Variants in COLEC10 observed in about 807,000 individuals in gnomAD.
COLEC10 encodes the protein collectin subfamily member 10.
A neutral mutation model predicts 28.4 loss-of-function variants in COLEC10; 22 were observed. That is an observed-to-expected ratio of 0.78 (90% confidence interval 0.55 to 1.11). The LOEUF (loss-of-function observed/expected upper bound fraction) is 1.11. COLEC10 is among the 50% of genes least tolerant of loss of function. The pLI is 0.00. For synonymous variants in COLEC10, 125 were observed against 116.1 expected (o/e 1.08, Z -0.49); for missense variants, 361 against 344.1 (o/e 1.05, Z -0.39).
the COLEC10 span, among the ~76,000 whole-genome samples, chr8:118,989,364 T>A: frequency 1.3e-5 from 2 of 151,798 alleles, no homozygotes; most frequent in Non-Finnish European, 1.5e-5. Context: ...TGTGACAATA[T>A]CAAAAGGTGT....
the COLEC10 span, among the ~76,000 whole-genome samples, chr8:118,972,400 C>G: frequency 6.6e-6 from 1 of 151,928 alleles, no homozygotes; most frequent in Non-Finnish European, 1.5e-5. Flanking sequence ...TACCATCTCC[C>G]AGGGAGAATG....
At chr8:118,953,817 C>T in the COLEC10 span, among the ~76,000 whole-genome samples, 1 of 152,178 alleles carries the variant, frequency 6.6e-6, no homozygotes, top group Admixed American at 6.5e-5. Flanking sequence ...TGAGCCCCAA[C>T]TCCAATTTTT....
intron 1 of COLEC10, chr8:119,068,352 G>A (rs1219647323): frequency 6.6e-6 from 1 of 152,108 alleles, no homozygotes; most frequent in Non-Finnish European, 1.5e-5. Flanking sequence ...CTCTAAGATT[G>A]CAATCCAAGT....
At chr8:119,047,504 G>A (rs769032079) in intron 2 of COLEC10, among the ~76,000 whole-genome samples, 1 of 152,186 alleles carries the variant, frequency 6.6e-6, no homozygotes, top group African/African-American at 2.4e-5. Flanking sequence ...CACTGACAAG[G>A]AAGCTTTGAT....
chr8:119,061,952 C>G (rs1289568280), intron 2 of COLEC10, among the ~76,000 whole-genome samples: 1 of 152,020 alleles, frequency 6.6e-6, no homozygotes, highest in Non-Finnish European at 1.5e-5. Flanking sequence ...TTCTACAAAA[C>G]TGACAAATCT....
At chr8:118,963,240 C>T in the COLEC10 span, among the ~76,000 whole-genome samples, 1 of 152,204 alleles carries the variant, frequency 6.6e-6, no homozygotes, top group East Asian at 1.9e-4. Flanking sequence ...ATTTCGCATA[C>T]ATTACCCATT....
chr8:119,101,306 T>C (rs1314092166), intron 3 of COLEC10, among the ~76,000 whole-genome samples: 1 of 152,182 alleles, frequency 6.6e-6, no homozygotes, highest in Non-Finnish European at 1.5e-5. Flanking sequence ...CAGATCACTA[T>C]TGAAGCATAA....
intron 2 of COLEC10, among the ~76,000 whole-genome samples, chr8:119,025,913 C>T (rs1316152348): frequency 6.6e-6 from 1 of 152,114 alleles, no homozygotes; most frequent in Admixed American, 6.6e-5. Context: ...TTAGTTTATG[C>T]CTGCATCATG....
chr8:118,973,292 G>A, the COLEC10 span, among the ~76,000 whole-genome samples: 1 of 151,952 alleles, frequency 6.6e-6, no homozygotes, highest in East Asian at 1.9e-4. Flanking sequence ...TAACTTCTAT[G>A]GGTCAGGAGT....
chr8:119,011,248 T>C (rs1718577066), intron 2 of COLEC10, among the ~76,000 whole-genome samples: 1 of 150,970 alleles, frequency 6.6e-6, no homozygotes, highest in Non-Finnish European at 1.5e-5. Flanking sequence ...ATTTTCTCCA[T>C]TGTATTGCTT....
upstream of COLEC10, among the ~76,000 whole-genome samples, chr8:119,066,009 G>A (rs1442648188): frequency 2.0e-5 from 3 of 152,202 alleles, no homozygotes; most frequent in Non-Finnish European, 4.4e-5. Context: ...TAGCCACCCG[G>A]CCGCTGGTGT....
At chr8:118,985,283 T>A in the COLEC10 span, among the ~76,000 whole-genome samples, 1 of 152,046 alleles carries the variant, frequency 6.6e-6, no homozygotes, top group East Asian at 1.9e-4. Flanking sequence ...AGAATTCAGG[T>A]CCTCCTTAAA....
chr8:119,084,150 A>T (rs1318347284), intron 1 of COLEC10, among the ~76,000 whole-genome samples: 1 of 152,218 alleles, frequency 6.6e-6, no homozygotes, highest in Non-Finnish European at 1.5e-5. Context: ...TCTCAGAGTG[A>T]GGGAGCCACC....
chr8:119,085,599 CTTTTTTT>C (rs66829005), intron 1 of COLEC10, among the ~76,000 whole-genome samples: 11,484 of 64,064 alleles, frequency 0.18, 488 homozygotes, highest in Middle Eastern at 0.29. Context: ...TCTTCTTCTT[CTTTTTTT>C]TTTTTTTTTT....
At chr8:118,978,297 A>G in the COLEC10 span, among the ~76,000 whole-genome samples, 2 of 152,158 alleles carry the variant, frequency 1.3e-5, no homozygotes, top group Admixed American at 1.3e-4. Context: ...CATTTCCTCA[A>G]CCACTGAAGG....
intron 2 of COLEC10, among the ~76,000 whole-genome samples, chr8:119,030,165 T>C (rs947205375): frequency 2.6e-5 from 4 of 152,184 alleles, no homozygotes; most frequent in Non-Finnish European, 5.9e-5. Context: ...ACTATGGAAA[T>C]ATCTTAATTG....
intron 2 of COLEC10, among the ~76,000 whole-genome samples, chr8:119,019,733 A>T (rs1814059718): frequency 6.6e-6 from 1 of 152,158 alleles, no homozygotes; most frequent in African/African-American, 2.4e-5. Context: ...TTCTCACGAC[A>T]GTGTCAATCC....
chr8:119,001,753 G>T (rs1426991836), intron 1 of COLEC10, among the ~76,000 whole-genome samples: 1 of 151,890 alleles, frequency 6.6e-6, no homozygotes, highest in Non-Finnish European at 1.5e-5. Context: ...AAAAGTAAAA[G>T]TTAGCAATAT....
the COLEC10 span, among the ~76,000 whole-genome samples, chr8:118,960,785 G>GAAAAAAAA: frequency 4.1e-5 from 3 of 72,556 alleles, no homozygotes; most frequent in African/African-American, 1.5e-4. Flanking sequence ...GAGACTCTGT[G>GAAAAAAAA]AAAAAAAAAA....
Sources: gnomAD v4.1 joint callset for allele counts (sites outside exome capture counted in the v4.1 genomes callset) on GRCh38, gnomAD v4.1.1 for gene constraint, MANE v1.5 for transcripts, NCBI Gene and HGNC (gene_info 2026-07-23, HGNC 2026-07-21) for gene names.